The following SCN4A variants were observed in gnomAD, a reference collection of about 807,000 sequenced individuals.
SCN4A encodes the protein sodium channel protein type 4 subunit alpha.
A neutral mutation model predicts 162.0 loss-of-function variants in SCN4A; 83 were observed. That is an observed-to-expected ratio of 0.51 (90% CI 0.43 to 0.61). The LOEUF (loss-of-function observed/expected upper bound fraction) is 0.61, where lower values mean the gene tolerates loss of function less well. Among genes scored for constraint, SCN4A ranks in the 20% least tolerant of loss-of-function variants. The pLI is 0.00. For missense variants in SCN4A, 2,196 were observed against 2,462.5 expected (o/e 0.89, Z 2.29); for synonymous variants, 944 against 985.1 (o/e 0.96, Z 0.78).
At chr17:63,946,593 G>C (rs376430962) in intron 18 of SCN4A, among the ~76,000 whole-genome samples, 2 of 152,036 alleles carry the variant, frequency 1.3e-5, no homozygotes, top group Non-Finnish European at 2.9e-5. Context: ...GCTCATCAGT[G>C]GGGGGTGAGG....
chr17:63,972,261 GGATGGGAGGT>G lies in SCN4A; in HGVS notation c.393-46_393-37del. ...GTCAAGGAAAGTGAGGAAGCAGCTAGGATGGGAGGTGATAGAGGGTCTCCTGGGCCACAGC... is the reference window on the plus strand; with the variant it reads ...GTCAAGGAAAGTGAGGAAGCAGCTAGGATAGAGGGTCTCCTGGGCCACAGC... On this transcript the variant is annotated intron_variant, in intron 2 of 23. Transcript: ENST00000435607. The surrounding 1 kb of genome is among the most constrained non-coding windows in gnomAD (Gnocchi z 4.3). 6.2e-7 allele frequency: 1 copy of G among 1,601,860 alleles called. No individual in the cohort carries two copies. The highest frequency in any genetic ancestry group is 8.5e-7 in the Non-Finnish European group (1 of 1,170,830).
intron 6 of SCN4A, among the ~76,000 whole-genome samples, chr17:63,967,699 G>A (rs1262179586): frequency 6.6e-6 from 1 of 151,868 alleles, no homozygotes; most frequent in Non-Finnish European, 1.5e-5. Flanking sequence ...TTAGGAGGCC[G>A]AGGTGGGAAG....
intron 10 of SCN4A, 39 bp from the exon 11 acceptor site, chr17:63,961,470 T>G: frequency 7.0e-7 from 1 of 1,427,592 alleles, no homozygotes; most frequent in Non-Finnish European, 9.9e-7. Flanking sequence ...GTGAGGATTA[T>G]CCCCTCACGT....
In SCN4A at chr17:63,940,620, G is replaced by A. The variant is rs867391318; in HGVS notation, c.*151C>T. 8.8e-6 allele frequency: 8 copies of A among 910,362 alleles called. No homozygotes were observed. The South Asian group carries it at 1.3e-4, about 15-fold the overall frequency. The allele number at this position is 910,362 out of a possible 1,614,324, so 56.4% of individuals were successfully genotyped here. A position where few individuals can be genotyped will look rare whatever the true frequency, so the allele number is the denominator to read the frequency against. ...GGAACGCAGGCGCTCGGGCCTGGGTGTCAGCCCCAGTGTGGCCAAATCCTG... is the reference window on the plus strand; with the variant it reads ...GGAACGCAGGCGCTCGGGCCTGGGTATCAGCCCCAGTGTGGCCAAATCCTG... On this transcript the variant is annotated 3_prime_UTR_variant, in exon 24 of 24. Coordinates refer to ENST00000435607, the MANE Select transcript of SCN4A (RefSeq NM_000334.4).
chr17:63,940,895 C>A lies in SCN4A; in HGVS notation c.5387G>T (p.Gly1796Val), dbSNP rs762407587. Residue 1796 changes from glycine (G) to valine (V), a missense_variant, in exon 24 of 24, where the codon GGC (glycine) becomes GTC (valine). By Grantham distance (109) the Gly-to-Val change is moderately radical (BLOSUM62 -3). Transcript: ENST00000435607. The stretch of plus-strand genomic sequence containing the variant: ...AGTGGGTCCGGCGTCCCCTGCCTCG[C>A]CCTTCTCCTCCGGGCTTGGCGAGCT... ...NSSSPSPEEKGEAGDAGPTMG... is the reference protein window; with the variant it reads ...NSSSPSPEEKVEAGDAGPTMG... The A allele has an allele frequency of 6.2e-7, 1 of 1,613,950 alleles. No homozygotes were observed. Among genetic ancestry groups the A allele is most frequent in the Non-Finnish European group, 8.5e-7 (1 of 1,179,886 alleles).
chr17:63,967,947 A>G (rs978021056), intron 6 of SCN4A, 76 bp downstream of exon 6: 5 of 1,293,828 alleles, frequency 3.9e-6, no homozygotes, highest in African/African-American at 3.0e-5. Context: ...AAAAAAAAAA[A>G]AGAAAATGTG....
rs78492637 is a variant in SCN4A at position 63,949,334 on chromosome 17, C to T, written c.2989+59G>A. 3.1e-3 allele frequency: 4,663 copies of T among 1,510,708 alleles called. 102 individuals are homozygous for T. The African/African-American group carries it at 0.056, about 18-fold the overall frequency. 93.6% of individuals were successfully genotyped at this position (1,510,708 alleles called of 1,614,324 possible). A position where few individuals can be genotyped will look rare whatever the true frequency, so the allele number is the denominator to read the frequency against. ...TGCTTTTGGTCCTGGTGTAGCCTGCCCCTTGCAGGGGCTGCAGGCCTGGGG... is the reference window on the plus strand; with the variant it reads ...TGCTTTTGGTCCTGGTGTAGCCTGCTCCTTGCAGGGGCTGCAGGCCTGGGG... On this transcript the variant is annotated intron_variant, in intron 15 of 23. Transcript: ENST00000435607.
In SCN4A at chr17:63,949,423, C is replaced by G. The variant is rs1908834254; in HGVS notation, c.2959G>C (p.Gly987Arg). 1 of 1,594,904 alleles carries G rather than the reference C, an allele frequency of 6.3e-7. No individual in the cohort carries two copies. Among genetic ancestry groups the G allele is most frequent in the Admixed American group, 1.7e-5 (1 of 57,196 alleles). The change falls in exon 15 of 24, where the codon GGG becomes CGG. Residue 987 changes from glycine to arginine, a missense_variant. Transcript: ENST00000435607. The part of the protein sequence containing the change: ...PEEQAEENPE[G>R]EQPEECFTEA... The stretch of plus-strand genomic sequence containing the variant: ...GTGAAGCACTCCTCAGGCTGCTCCC[C>G]CTCGGGGTTCTCCTCTGCCTGCTCC...
At chr17:63,961,633 C>A in intron 10 of SCN4A, 2 of 446,694 alleles carry the variant, frequency 4.5e-6, no homozygotes, top group South Asian at 2.2e-5. Context: ...CCCCACATGG[C>A]TTCACCCCAA....
chr17:63,971,598 C>T, intron 4 of SCN4A, 124 bp downstream of exon 4: 2 of 839,492 alleles, frequency 2.4e-6, no homozygotes, highest in Non-Finnish European at 3.8e-6. Context: ...AATTGTGCAG[C>T]TCCCCATCTG....
At position 63,950,451 on chromosome 17, in the gene SCN4A, C is replaced by T. The variant is rs890927030; in HGVS notation, c.2854-923G>A. On this transcript the variant is annotated intron_variant, in intron 14 of 23. Transcript: ENST00000435607. This position sits in a 1 kb window ranked among gnomAD's most constrained non-coding sequence, Gnocchi z 4.6. ...AGTCCCCAGGCCCCGGCCCCGGCCCCGGGGAGCCTGGGACTTTGGTGCTCT... is the reference window on the plus strand; with the variant it reads ...AGTCCCCAGGCCCCGGCCCCGGCCCTGGGGAGCCTGGGACTTTGGTGCTCT... Among the ~76,000 whole-genome samples the T allele has an allele frequency of 7.9e-5, 12 of 152,174 alleles. No individual in the cohort carries two copies. Among genetic ancestry groups the T allele is most frequent in the South Asian group, 6.2e-4 (3 of 4,828 alleles).
intron 13 of SCN4A, among the ~76,000 whole-genome samples, chr17:63,956,158 C>T (rs1427924056): frequency 6.6e-6 from 1 of 152,266 alleles, no homozygotes; most frequent in Non-Finnish European, 1.5e-5. Flanking sequence ...GCACCAGCCC[C>T]TCATGCCAAG....
At position 63,941,367 on chromosome 17, in the gene SCN4A, G is replaced by C. The variant is rs776231847; in HGVS notation, c.4915C>G (p.Arg1639Gly). ...PDATQFIAYS[R>G]LSDFVDTLQE... ...AGGGTGTCCACGAAGTCTGAGAGGC[G>C]GCTGTAGGCGATGAACTGGGTGGCG... Residue 1639 changes from arginine to glycine, a missense_variant, in exon 24 of 24, where the codon CGC becomes GGC. Arg to Gly is a moderately radical substitution (Grantham distance 125). Coordinates refer to ENST00000435607, the MANE Select transcript of SCN4A (RefSeq NM_000334.4). This position sits in a 1 kb window ranked among gnomAD's most constrained non-coding sequence, Gnocchi z 6.2. 16 of 1,613,810 alleles carry C rather than the reference G, an allele frequency of 9.9e-6. No homozygotes were observed. The South Asian group carries it at 1.1e-4, about 11-fold the overall frequency.
chr17:63,956,546 C>T (rs780928831), intron 13 of SCN4A, among the ~76,000 whole-genome samples: 30 of 152,190 alleles, frequency 2.0e-4, no homozygotes, highest in African/African-American at 6.8e-4. Flanking sequence ...TTCTCTTTTT[C>T]GGCGCCTGGA....
intron 10 of SCN4A, among the ~76,000 whole-genome samples, chr17:63,963,038 C>T (rs1452273285): frequency 6.6e-6 from 1 of 152,160 alleles, no homozygotes; most frequent in African/African-American, 2.4e-5. Flanking sequence ...TTTTCCTGTG[C>T]TTCCTCCTTC....
chr17:63,963,947 C>A, intron 9 of SCN4A, 122 bp from the exon 10 acceptor site: 4 of 993,816 alleles, frequency 4.0e-6, no homozygotes, highest in South Asian at 1.8e-5. Flanking sequence ...TGGCCTGTGT[C>A]AAACTTAGTG....
rs909137816 is a variant in SCN4A, at chr17:63,945,749, G to A, written c.3442-111C>T. 1.6e-6 allele frequency: 2 copies of A among 1,262,426 alleles called. No homozygotes were observed. Among genetic ancestry groups the A allele is most frequent in the Admixed American group, 1.8e-5 (1 of 55,100 alleles). The allele number at this position is 1,262,426 out of a possible 1,614,324, so 78.2% of individuals were successfully genotyped here. A position where few individuals can be genotyped will look rare whatever the true frequency, so the allele number is the denominator to read the frequency against. On this transcript the variant is annotated intron_variant, in intron 18 of 23. Coordinates refer to ENST00000435607, the MANE Select transcript of SCN4A (RefSeq NM_000334.4). This position sits in a 1 kb window ranked among gnomAD's most constrained non-coding sequence, Gnocchi z 4.4. ...AGAGCTGGGCATTGTCAATTAGGGA[G>A]GGCTTCCTAGAGGAGGGCCGACCTG... is the stretch of plus-strand genomic sequence containing the variant.
rs1909097883 is a variant in SCN4A, at chr17:63,957,253, C to A, written c.2285G>T (p.Trp762Leu). 1 of 1,613,248 alleles carries A rather than the reference C, an allele frequency of 6.2e-7. No individual in the cohort carries two copies. The highest frequency in any genetic ancestry group is 1.7e-5 in the Admixed American group (1 of 59,996). The stretch of plus-strand genomic sequence containing the variant: ...CATGCAGTCCCACATGGTCTCGATC[C>A]ACTCCCCGCACAGGATGCGGAAGAC... ...LIVFRILCGE[W>L]IETMWDCMEV... The change falls in exon 13 of 24, where the codon TGG becomes TTG. Residue 762 changes from tryptophan to leucine, a missense_variant. Physicochemically the swap from Trp to Leu is moderately conservative, Grantham distance 61. Transcript: ENST00000435607.
At chr17:63,946,003 T>C (rs1231242049) in intron 18 of SCN4A, among the ~76,000 whole-genome samples, 1 of 152,160 alleles carries the variant, frequency 6.6e-6, no homozygotes, top group Non-Finnish European at 1.5e-5. Flanking sequence ...TCATGGGTTT[T>C]CAGCCCCAGA....
Sources: allele counts gnomAD v4.1 joint callset (sites outside exome capture counted in the v4.1 genomes callset), GRCh38; gene constraint gnomAD v4.1.1; non-coding constraint Gnocchi (gnomAD v3.1); transcripts MANE v1.5; gene names NCBI Gene and HGNC (gene_info 2026-07-23, HGNC 2026-07-21).